The following DNAH9 variants were observed in gnomAD, a reference collection of about 807,000 sequenced individuals.
The protein encoded by DNAH9 is dynein axonemal heavy chain 9.
DNAH9 carries 345 observed loss-of-function variants against 471.6 expected under a neutral mutation model. The observed-to-expected ratio is 0.73, with a 90% confidence interval of 0.67 to 0.80. The LOEUF is 0.80. Among genes scored for constraint, DNAH9 ranks in the 30% least tolerant of loss-of-function variants. The pLI, the probability that DNAH9 is intolerant of heterozygous loss-of-function variation, is 0.00. For missense variants in DNAH9, 5,407 were observed against 5,609.2 expected (o/e 0.96, Z 1.15); for synonymous variants, 2,093 against 2,123.6 (o/e 0.99, Z 0.40).
chr17:11,852,814 G>GTA (rs58555259), intron 49 of DNAH9, among the ~76,000 whole-genome samples: 186 of 92,578 alleles, frequency 2.0e-3, no homozygotes, highest in South Asian at 9.8e-3. Flanking sequence ...GTGTGTGTGT[G>GTA]TATATATATA....
chr17:11,652,368 C>T (rs867915938), intron 13 of DNAH9, among the ~76,000 whole-genome samples: 17 of 138,262 alleles, frequency 1.2e-4, no homozygotes, highest in African/African-American at 3.8e-4. Flanking sequence ...TCACTGCAAG[C>T]TCTGCCTCCC....
chr17:11,749,062 GGGTTTTTTTTTGTTTTTTTTTTT>G (rs780166496), intron 32 of DNAH9, among the ~76,000 whole-genome samples: 1 of 32,576 alleles, frequency 3.1e-5, no homozygotes, highest in Non-Finnish European at 8.1e-5. Context: ...ATTTTTAAGA[GGGTTTTTTTTTGTTTTTTTTTTT>G]GTTTTTTTTT....
At chr17:11,916,325 G>A (rs1973956822) in intron 61 of DNAH9, among the ~76,000 whole-genome samples, 1 of 152,100 alleles carries the variant, frequency 6.6e-6, no homozygotes, top group African/African-American at 2.4e-5. Context: ...CCCTGCCCTT[G>A]GCTTAATCTT....
chr17:11,610,344 C>T lies in DNAH9; in HGVS notation c.615-52C>T, dbSNP rs2191072. 1,512,671 of 1,514,872 alleles carry T rather than the reference C, an allele frequency of 1. 755,262 individuals carry two copies. Among genetic ancestry groups the T allele is most frequent in the East Asian group, 1 (43,920 of 43,920 alleles). 93.8% of individuals were successfully genotyped at this position (1,514,872 alleles called of 1,614,324 possible). ...GGTACACCCAGGGTTATTTTCACGC[C>T]TCAGGGTTTTTGTTTTTGTTGTTAT... On this transcript the variant is annotated intron_variant, in intron 2 of 68. Coordinates refer to ENST00000262442, the MANE Select transcript of DNAH9 (RefSeq NM_001372.4).
In DNAH9 at chr17:11,742,307, C is replaced by T. The variant is rs1434213658; in HGVS notation, c.6105C>T (p.Ser2035=). 6.8e-6 allele frequency: 11 copies of T among 1,614,078 alleles called. No homozygotes were observed. Among genetic ancestry groups the T allele is most frequent in the South Asian group, 1.1e-5 (1 of 91,066 alleles). ...TLYQLCKELL[S]KQDHYDWGLR... is the part of the protein sequence containing the mutation. ...ACCAGTTGTGCAAAGAGCTTCTCTC[C>T]AAACAGGTAGGATCTCTAGGGAGGC... Residue 2035 remains serine (S), a synonymous_variant, in exon 30 of 69, where the codon TCC becomes TCT. Coordinates refer to ENST00000262442, the MANE Select transcript of DNAH9 (RefSeq NM_001372.4).
intron 64 of DNAH9, 149 bp from the exon 65 acceptor site, chr17:11,933,731 T>G (rs1974596484): frequency 1.4e-6 from 1 of 717,982 alleles, no homozygotes; most frequent in Non-Finnish European, 2.2e-6. Context: ...TGCTGGGCAC[T>G]GAGGGTATGG....
At chr17:11,952,982 G>C (rs908122779) in intron 67 of DNAH9, among the ~76,000 whole-genome samples, 1 of 152,168 alleles carries the variant, frequency 6.6e-6, no homozygotes, top group Non-Finnish European at 1.5e-5. Context: ...CAAATGGCAG[G>C]GAGGCAGAGC....
chr17:11,767,610 C>G (rs9903317), intron 36 of DNAH9, among the ~76,000 whole-genome samples: 2 of 151,420 alleles, frequency 1.3e-5, no homozygotes, highest in Non-Finnish European at 2.9e-5. Context: ...TTTTTTTTTC[C>G]TTTAGGATTT....
chr17:11,769,538 T>A (rs1294820981), intron 38 of DNAH9, among the ~76,000 whole-genome samples: 1 of 152,200 alleles, frequency 6.6e-6, no homozygotes, highest in African/African-American at 2.4e-5. Flanking sequence ...TGGTCTTTCT[T>A]TCTACATTCC....
chr17:11,611,661 T>G lies in DNAH9; in HGVS notation c.785T>G (p.Leu262Arg). The change falls in exon 4 of 69, where the codon CTG (leucine) becomes CGG (arginine). Residue 262 changes from leucine (L) to arginine (R), a missense_variant. This residue lies in a region of DNAH9 where 767 missense variants were observed against 692.5 expected (regional missense o/e 1.11). Transcript: ENST00000262442. ...TCATGATATTGCAGGTATGAAGATCTGAAATACATCTATAATCAACTGAGA... is the reference window on the plus strand; with the variant it reads ...TCATGATATTGCAGGTATGAAGATCGGAAATACATCTATAATCAACTGAGA... ...LEFWKSRYED[L>R]KYIYNQLRTI... 6.2e-7 allele frequency: 1 copy of G among 1,614,090 alleles called. No homozygotes were observed. Among genetic ancestry groups the G allele is most frequent in the Non-Finnish European group, 8.5e-7 (1 of 1,179,910 alleles).
At chr17:11,821,800 G>C in intron 45 of DNAH9, 120 bp from the exon 46 acceptor site, 2 of 1,082,106 alleles carry the variant, frequency 1.8e-6, no homozygotes, top group Non-Finnish European at 2.6e-6. Context: ...ACCAGCAAGA[G>C]AGTTGGTACA....
Position 11,760,807 on chromosome 17 carries a change from C to T in DNAH9, c.6996-2633C>T, listed in dbSNP as rs370865115. ...TGCTGGGATTACAGGCGTGAGCCGC[C>T]GCGCCCGGCGGATGTCTTTTCACTC... On this transcript the variant is annotated intron_variant, in intron 35 of 68. Coordinates refer to ENST00000262442, the MANE Select transcript of DNAH9 (RefSeq NM_001372.4). Among the ~76,000 whole-genome samples, 26 of 152,290 alleles carry T rather than the reference C, an allele frequency of 1.7e-4. No individual in the cohort carries two copies. In the East Asian group the frequency reaches 3.9e-3, roughly 23 times the overall value.
Position 11,829,942 on chromosome 17 carries a change from T to TA in DNAH9, c.9247-4691dup, listed in dbSNP as rs138315107. 5.9e-3 allele frequency among the ~76,000 whole-genome samples: 906 copies of TA among 152,360 alleles called. 8 individuals carry two copies. Among genetic ancestry groups the TA allele is most frequent in the African/African-American group, 0.021 (861 of 41,584 alleles). Reference sequence around the variant, plus strand: ...GCATTGTGACATAGTCACATCAAGTTAAAAACTTAGTCTTTGGACAGTAGT... The same window carrying TA: ...GCATTGTGACATAGTCACATCAAGTTAAAAAACTTAGTCTTTGGACAGTAGT... On this transcript the variant is annotated intron_variant, in intron 48 of 68. Transcript: ENST00000262442.
chr17:11,728,526 T>TAAAA (rs1295865097), intron 28 of DNAH9, among the ~76,000 whole-genome samples: 1 of 20,912 alleles, frequency 4.8e-5, no homozygotes, highest in Admixed American at 7.5e-4. Flanking sequence ...ATCTCTGACC[T>TAAAA]AAAAAAAAAA....
At chr17:11,924,333 G>A (rs1025049089) in intron 62 of DNAH9, among the ~76,000 whole-genome samples, 1 of 152,144 alleles carries the variant, frequency 6.6e-6, no homozygotes, top group African/African-American at 2.4e-5. Flanking sequence ...CTTTTGGGCT[G>A]TGTGTCATAT....
Position 11,644,631 on chromosome 17 carries a change from T to C in DNAH9, c.1902T>C (p.Pro634=), listed in dbSNP as rs1597426028. ...CACTTTTTCTCTTTTGTACGAGTAGTTGCATGGAATCTGCAGAAGGAAAGC... is the reference window on the plus strand; with the variant it reads ...CACTTTTTCTCTTTTGTACGAGTAGCTGCATGGAATCTGCAGAAGGAAAGC... ...PFSNFGRITH[P]CMESAEGKRM... is the part of the protein sequence containing the mutation. The change falls in exon 11 of 69, where the codon CCT becomes CCC. Residue 634 remains proline, a splice_region_variant and synonymous_variant. Transcript: ENST00000262442. 1 of 1,607,492 alleles carries C rather than the reference T, an allele frequency of 6.2e-7. No homozygotes were observed. The highest frequency in any genetic ancestry group is 8.5e-7 in the Non-Finnish European group (1 of 1,174,586).
chr17:11,652,722 C>T, intron 13 of DNAH9, 39 bp from the exon 14 acceptor site: 3 of 1,601,064 alleles, frequency 1.9e-6, no homozygotes, highest in Non-Finnish European at 2.6e-6. Flanking sequence ...TATGCCACTG[C>T]AGGCTATTTC....
At chr17:11,719,570 G>A (rs771644390) in intron 27 of DNAH9, 80 bp downstream of exon 27, 37 of 1,353,738 alleles carry the variant, frequency 2.7e-5, no homozygotes, top group East Asian at 2.6e-4. Flanking sequence ...AGACGCATCC[G>A]TGCCACCCTG....
chr17:11,901,501 G>A (rs1467588700), intron 59 of DNAH9, among the ~76,000 whole-genome samples: 1 of 152,096 alleles, frequency 6.6e-6, no homozygotes, highest in Non-Finnish European at 1.5e-5. Flanking sequence ...TTCAAGACCA[G>A]CCCGACCAAT....
Sources: gnomAD v4.1 joint callset for allele counts (sites outside exome capture counted in the v4.1 genomes callset) on GRCh38, gnomAD v4.1.1 for gene constraint, gnomAD v4.1.1 regional missense constraint, MANE v1.5 for transcripts, NCBI Gene and HGNC (gene_info 2026-07-23, HGNC 2026-07-21) for gene names.